The following LYRM4 variants were observed in gnomAD, a reference collection of about 807,000 sequenced individuals.
LYRM4 encodes the protein LYR motif-containing protein 4.
A neutral mutation model predicts 11.7 loss-of-function variants in LYRM4; 9 were observed. The observed-to-expected ratio is 0.77, with a 90% confidence interval of 0.46 to 1.34. The LOEUF (loss-of-function observed/expected upper bound fraction) is 1.34, where lower values mean the gene tolerates loss of function less well. Among genes scored for constraint, LYRM4 ranks in the 40% most tolerant of loss-of-function variants. The pLI is 0.00. For missense variants in LYRM4, 133 were observed against 112.5 expected (o/e 1.18, Z -0.82); for synonymous variants, 42 against 40.4 (o/e 1.04, Z -0.15).
chr6:5,245,357 T>TAAGCAGC (rs1764149469), intron 1 of LYRM4, among the ~76,000 whole-genome samples: 1 of 151,666 alleles, frequency 6.6e-6, no homozygotes, highest in Admixed American at 6.6e-5. Flanking sequence ...TACTTGTTAA[T>TAAGCAGC]AAGCAGCACA....
chr6:5,179,959 A>C (rs1759973916), intron 2 of LYRM4, among the ~76,000 whole-genome samples: 1 of 152,244 alleles, frequency 6.6e-6, no homozygotes, highest in Non-Finnish European at 1.5e-5. Flanking sequence ...AGTATGGCAG[A>C]TAGAATCTTA....
intron 2 of LYRM4, among the ~76,000 whole-genome samples, chr6:5,210,760 C>A (rs1321939817): frequency 6.6e-6 from 1 of 152,178 alleles, no homozygotes. Context: ...TAAATGGAAT[C>A]ATACAGTATC....
the LYRM4 span, among the ~76,000 whole-genome samples, chr6:5,090,149 A>G: frequency 6.6e-6 from 1 of 152,168 alleles, no homozygotes; most frequent in Non-Finnish European, 1.5e-5. This position sits in a 1 kb window ranked among gnomAD's most constrained non-coding sequence, Gnocchi z 4.8. Context: ...AAATGCAATA[A>G]CTTTAACACG....
intron 2 of LYRM4, among the ~76,000 whole-genome samples, chr6:5,197,391 T>C (rs1439362738): frequency 6.6e-6 from 1 of 152,162 alleles, no homozygotes; most frequent in Non-Finnish European, 1.5e-5. Flanking sequence ...TTTTAATATT[T>C]GGCCGGGCAC....
downstream of LYRM4, chr6:5,106,042 C>T (rs889753669): frequency 1.3e-5 from 2 of 152,406 alleles, no homozygotes; most frequent in Non-Finnish European, 2.9e-5. Context: ...CTCTCCCCAC[C>T]TTCACACAGC....
downstream of LYRM4, chr6:5,103,405 T>C (rs1034951426): frequency 6.6e-6 from 1 of 152,214 alleles, no homozygotes; most frequent in African/African-American, 2.4e-5. Flanking sequence ...GGCTGCTTCA[T>C]GGAGCTTCTG....
chr6:5,038,312 A>G, the LYRM4 span, among the ~76,000 whole-genome samples: 1 of 57,228 alleles, frequency 1.7e-5, no homozygotes, highest in Non-Finnish European at 4.1e-5. Context: ...GATGCTCCTC[A>G]CTTCCTAGAT....
In LYRM4 at chr6:5,122,097, A is replaced by G. The variant is rs116225259; in HGVS notation, c.208-12606T>C. 7.9e-3 allele frequency among the ~76,000 whole-genome samples: 1,201 copies of G among 152,340 alleles called. 19 individuals are homozygous for G. Among genetic ancestry groups the G allele is most frequent in the African/African-American group, 0.028 (1,166 of 41,562 alleles). On this transcript the variant is annotated intron_variant, in intron 2 of 2. Transcript: ENST00000330636. ...CAAATATAACTGAGCAGGCAAGCTC[A>G]GCAGAAACCTGCGGGAAAAAGGCAC...
chr6:5,114,149 C>A (rs971781058), intron 2 of LYRM4, among the ~76,000 whole-genome samples: 2 of 152,318 alleles, frequency 1.3e-5, no homozygotes, highest in Middle Eastern at 3.4e-3. Flanking sequence ...TGCCCGCCCT[C>A]CAGTTTGTCT....
intron 1 of LYRM4, among the ~76,000 whole-genome samples, chr6:5,246,983 C>T (rs1415144143): frequency 2.0e-5 from 3 of 152,100 alleles, no homozygotes; most frequent in African/African-American, 7.2e-5. Context: ...TACTTTTATA[C>T]GTCAGAGCCT....
chr6:5,079,938 G>A, the LYRM4 span, among the ~76,000 whole-genome samples: 34 of 152,334 alleles, frequency 2.2e-4, 1 homozygote, highest in South Asian at 6.8e-3. Flanking sequence ...GTACAACAGT[G>A]GCTAAACTAT....
chr6:5,148,691 A>G (rs1295484253), intron 2 of LYRM4, among the ~76,000 whole-genome samples: 2 of 152,126 alleles, frequency 1.3e-5, no homozygotes, highest in Non-Finnish European at 2.9e-5. Flanking sequence ...CTCTGCTTAT[A>G]GTGACTGAGA....
intron 2 of LYRM4, among the ~76,000 whole-genome samples, chr6:5,202,787 C>T (rs1183193054): frequency 1.3e-5 from 2 of 152,124 alleles, no homozygotes; most frequent in Admixed American, 1.3e-4. Flanking sequence ...TTGGCTTAGA[C>T]TTTTTGCTTT....
At chr6:5,170,411 TAGTC>T (rs1554134037) in intron 2 of LYRM4, among the ~76,000 whole-genome samples, 1 of 152,154 alleles carries the variant, frequency 6.6e-6, no homozygotes, top group Non-Finnish European at 1.5e-5. Context: ...ATCCAAAGCT[TAGTC>T]AGATTCACAA....
intron 2 of LYRM4, among the ~76,000 whole-genome samples, chr6:5,112,188 C>T (rs1762913050): frequency 6.6e-6 from 1 of 152,198 alleles, no homozygotes; most frequent in South Asian, 2.1e-4. Flanking sequence ...TTTGCAGCCA[C>T]CTGGGCCATC....
intron 2 of LYRM4, among the ~76,000 whole-genome samples, chr6:5,123,510 C>T (rs1243676956): frequency 6.6e-6 from 1 of 152,210 alleles, no homozygotes; most frequent in Non-Finnish European, 1.5e-5. Flanking sequence ...GGAAGGGGAC[C>T]CTTGGCCGGG....
At chr6:5,152,503 C>T (rs543835787) in intron 2 of LYRM4, among the ~76,000 whole-genome samples, 2 of 152,262 alleles carry the variant, frequency 1.3e-5, no homozygotes, top group South Asian at 4.1e-4. Context: ...CCCATCGTAT[C>T]TTCTTTGGTG....
intron 2 of LYRM4, among the ~76,000 whole-genome samples, chr6:5,192,467 C>T (rs1455894689): frequency 6.6e-6 from 1 of 152,172 alleles, no homozygotes; most frequent in Non-Finnish European, 1.5e-5. Context: ...AAGGCTCTGT[C>T]AGGAAAAATT....
At chr6:5,093,120 A>C in the LYRM4 span, among the ~76,000 whole-genome samples, 1 of 152,136 alleles carries the variant, frequency 6.6e-6, no homozygotes, top group African/African-American at 2.4e-5. Flanking sequence ...AACCCCTCCC[A>C]AAAAACCCCA....
Sources: allele counts gnomAD v4.1 joint callset (sites outside exome capture counted in the v4.1 genomes callset), GRCh38; gene constraint gnomAD v4.1.1; non-coding constraint Gnocchi (gnomAD v3.1); transcripts MANE v1.5; gene names NCBI Gene and HGNC (gene_info 2026-07-23, HGNC 2026-07-21).